Variants in MORN1 observed in about 807,000 individuals in gnomAD.
MORN1 encodes the protein MORN repeat containing 1.
A neutral mutation model predicts 61.9 loss-of-function variants in MORN1; 67 were observed. That is an observed-to-expected ratio of 1.08 (90% CI 0.89 to 1.33). The LOEUF is 1.33. MORN1 is among the 40% of genes most tolerant of loss of function. The pLI is 0.00. For synonymous variants in MORN1, 301 were observed against 292.0 expected, an observed-to-expected ratio of 1.03 and a Z score of -0.31; for missense variants, 752 against 691.2, an observed-to-expected ratio of 1.09 and a Z score of -0.99.
chr1:2,329,150 T>G (rs1641095453), intron 12 of MORN1, among the ~76,000 whole-genome samples: 1 of 152,090 alleles, frequency 6.6e-6, no homozygotes. Flanking sequence ...CCCTTGCCGG[T>G]GTGGGTGTGC....
chr1:2,384,833 C>T (rs1373264616), intron 6 of MORN1, 145 bp downstream of exon 6: 7 of 665,740 alleles, frequency 1.1e-5, no homozygotes, highest in Non-Finnish European at 1.7e-5. Flanking sequence ...GAGAGAGAAA[C>T]TTATCTTCCC....
chr1:2,370,609 C>A (rs867322010), intron 8 of MORN1, among the ~76,000 whole-genome samples: 1 of 151,944 alleles, frequency 6.6e-6, no homozygotes, highest in African/African-American at 2.4e-5. Context: ...GACTTATATC[C>A]GCAATAGGTA....
intron 12 of MORN1, among the ~76,000 whole-genome samples, chr1:2,330,624 T>A (rs1006248675): frequency 6.6e-6 from 1 of 152,194 alleles, no homozygotes. Context: ...ATTAAATGAC[T>A]AATCGCAGAA....
chr1:2,360,074 TG>T (rs1021729837), intron 8 of MORN1, among the ~76,000 whole-genome samples: 10 of 152,090 alleles, frequency 6.6e-5, no homozygotes, highest in African/African-American at 2.4e-4. Flanking sequence ...CCTCAGAGCC[TG>T]GGGCTACCCC....
At chr1:2,340,924 A>G (rs958847380) in intron 10 of MORN1, among the ~76,000 whole-genome samples, 3 of 152,236 alleles carry the variant, frequency 2.0e-5, no homozygotes, top group Non-Finnish European at 4.4e-5. Context: ...GGGCTGCCAC[A>G]CAAGCCAAAA....
chr1:2,353,757 CA>C (rs1353468415), intron 10 of MORN1, among the ~76,000 whole-genome samples: 2 of 152,246 alleles, frequency 1.3e-5, no homozygotes, highest in African/African-American at 4.8e-5. Flanking sequence ...GCCCTCTGCC[CA>C]GCACCCTGCT....
chr1:2,385,661 T>TG (rs975070504), intron 5 of MORN1, 146 bp downstream of exon 5: 31 of 638,160 alleles, frequency 4.9e-5, no homozygotes, highest in Admixed American at 2.7e-4. Flanking sequence ...AACTTGGCAC[T>TG]GGGGGGGTGG....
intron 4 of MORN1, 24 bp from the exon 5 acceptor site, chr1:2,385,921 A>C (rs755247704): frequency 6.2e-7 from 1 of 1,609,038 alleles, no homozygotes; most frequent in African/African-American, 1.3e-5. Flanking sequence ...CGAGAGACAG[A>C]CTTGGCTTTG....
At chr1:2,344,566 C>T (rs1046182629) in intron 10 of MORN1, among the ~76,000 whole-genome samples, 21 of 152,170 alleles carry the variant, frequency 1.4e-4, no homozygotes, top group Non-Finnish European at 2.6e-4. Flanking sequence ...AGGGGGGTCC[C>T]GTGTGGGCCG....
rs1474844646 is a variant in MORN1 at position 2,334,143 on chromosome 1, G to T, written c.1250+2326C>A. Among the ~76,000 whole-genome samples the T allele has an allele frequency of 6.6e-6, 1 of 152,082 alleles. No individual in the cohort carries two copies. The highest frequency in any genetic ancestry group is 1.5e-5 in the Non-Finnish European group (1 of 68,006). ...TCACACAAACACCCAGATGGGTTGT[G>T]GGGGGTTTTGGCGGGGACAGAGCTG... On this transcript the variant is annotated intron_variant, in intron 12 of 13. Coordinates refer to ENST00000378531, the MANE Select transcript of MORN1 (RefSeq NM_024848.3). This position sits in a 1 kb window ranked among gnomAD's most constrained non-coding sequence, Gnocchi z 5.4.
intron 3 of MORN1, 187 bp from the exon 4 acceptor site, chr1:2,387,716 G>A: frequency 1.7e-6 from 1 of 595,548 alleles, no homozygotes; most frequent in Non-Finnish European, 3.0e-6. Context: ...CTCCCCAACA[G>A]CTGGGCATGC....
At chr1:2,341,662 G>C (rs558597995) in intron 10 of MORN1, among the ~76,000 whole-genome samples, 2 of 148,554 alleles carry the variant, frequency 1.3e-5, no homozygotes, top group Non-Finnish European at 3.0e-5. Context: ...TTGCACTCCA[G>C]CCTGGCCACA....
At chr1:2,376,384 G>A (rs1642235158) in intron 6 of MORN1, 2 of 152,376 alleles carry the variant, frequency 1.3e-5, no homozygotes, top group African/African-American at 4.8e-5. Flanking sequence ...TCAGTGATGA[G>A]AATGGCGATG....
chr1:2,390,113 A>G, intron 1 of MORN1, 117 bp from the exon 2 acceptor site: 1 of 936,158 alleles, frequency 1.1e-6, no homozygotes, highest in Non-Finnish European at 1.7e-6. Context: ...GGTACACGTC[A>G]CCTTCAGCAG....
At chr1:2,363,811 A>T (rs796428374) in intron 8 of MORN1, among the ~76,000 whole-genome samples, 147 of 135,124 alleles carry the variant, frequency 1.1e-3, no homozygotes, top group African/African-American at 3.9e-3. Flanking sequence ...CAAACAAAAA[A>T]ATATATATAT....
intron 8 of MORN1, among the ~76,000 whole-genome samples, chr1:2,361,489 T>G (rs1269394363): frequency 6.6e-6 from 1 of 151,138 alleles, no homozygotes; most frequent in Admixed American, 6.6e-5. Context: ...ACCTGGGAGG[T>G]GGAGGTTGCA....
intron 12 of MORN1, among the ~76,000 whole-genome samples, chr1:2,333,921 A>G (rs1282024040): frequency 1.3e-5 from 2 of 152,124 alleles, no homozygotes; most frequent in African/African-American, 2.4e-5. Flanking sequence ...CAGCTTTCTT[A>G]GAATTCCGAA....
intron 10 of MORN1, among the ~76,000 whole-genome samples, chr1:2,346,830 A>G (rs1213233470): frequency 6.6e-6 from 1 of 152,046 alleles, no homozygotes; most frequent in Non-Finnish European, 1.5e-5. Flanking sequence ...CCTGCCGGTC[A>G]CCCCTGCTGG....
At chr1:2,371,500 A>G (rs1642121899) in intron 8 of MORN1, 1 of 152,284 alleles carries the variant, frequency 6.6e-6, no homozygotes, top group Admixed American at 6.5e-5. Flanking sequence ...CAGGGCAGCT[A>G]TTACAAAAAG....
Sources: gnomAD v4.1 joint callset for allele counts (sites outside exome capture counted in the v4.1 genomes callset) on GRCh38, gnomAD v4.1.1 for gene constraint, Gnocchi (gnomAD v3.1) non-coding constraint, MANE v1.5 for transcripts, NCBI Gene and HGNC (gene_info 2026-07-23, HGNC 2026-07-21) for gene names.